MITF: variants seen among roughly 807,000 people sequenced by gnomAD.
The protein encoded by MITF is microphthalmia-associated transcription factor.
Under a neutral mutation model 60.5 loss-of-function variants are expected in MITF, and 17 were observed. The observed-to-expected ratio is 0.28, with a 90% CI of 0.19 to 0.42. The LOEUF (loss-of-function observed/expected upper bound fraction) is 0.42, where lower values mean the gene tolerates loss of function less well. MITF is among the 10% of genes least tolerant of loss of function. The pLI is 1.00. For missense variants in MITF, 622 were observed against 683.5 expected (o/e 0.91, Z 1.00); for synonymous variants, 260 against 248.5 (o/e 1.05, Z -0.43).
chr3:69,758,963 A>T (rs1399183141), intron 1 of MITF, among the ~76,000 whole-genome samples: 2 of 152,226 alleles, frequency 1.3e-5, no homozygotes, highest in Non-Finnish European at 2.9e-5. Flanking sequence ...GCATATGTAC[A>T]TTCTCAATAC....
chr3:69,768,667 G>T (rs1272336252), intron 1 of MITF, among the ~76,000 whole-genome samples: 1 of 152,204 alleles, frequency 6.6e-6, no homozygotes, highest in African/African-American at 2.4e-5. Flanking sequence ...AAGACTGGTA[G>T]ACACTAGATA....
At chr3:69,887,633 G>A (rs1399742543) in intron 2 of MITF, among the ~76,000 whole-genome samples, 1 of 151,974 alleles carries the variant, frequency 6.6e-6, no homozygotes, top group African/African-American at 2.4e-5. Flanking sequence ...AAAGCAGGGG[G>A]CTGTTAAAGG....
intron 2 of MITF, among the ~76,000 whole-genome samples, chr3:69,914,080 A>T (rs1259724260): frequency 1.3e-5 from 2 of 152,002 alleles, no homozygotes; most frequent in African/African-American, 2.4e-5. Flanking sequence ...ACACACACAT[A>T]GTTCATATAC....
rs898492855 is a variant in MITF at position 69,739,755 on chromosome 3, C to A, written c.104+54C>A. 1.8e-5 allele frequency: 24 copies of A among 1,323,646 alleles called. No homozygotes were observed. The Admixed American group carries it at 3.4e-4, about 19-fold the overall frequency. 82.0% of individuals were successfully genotyped at this position (1,323,646 alleles called of 1,614,324 possible). On this transcript the variant is annotated intron_variant, in intron 1 of 9. Coordinates refer to ENST00000352241, the MANE Select transcript of MITF (RefSeq NM_001354604.2). ...ACCGGGCGGCTGGGGGGCACTGCGT[C>A]TGCCACTCTGGGGCGAGGAGAGCGG...
chr3:69,872,978 G>A (rs141573653), intron 1 of MITF, among the ~76,000 whole-genome samples: 1 of 152,322 alleles, frequency 6.6e-6, no homozygotes, highest in East Asian at 1.9e-4. Flanking sequence ...CGTGGGGCAT[G>A]AGGCTATGTT....
intron 2 of MITF, among the ~76,000 whole-genome samples, chr3:69,904,430 C>T (rs1420124288): frequency 6.6e-6 from 1 of 152,136 alleles, no homozygotes; most frequent in Non-Finnish European, 1.5e-5. Flanking sequence ...ATAATTTCTT[C>T]CGTGTGTCTT....
At position 69,904,851 on chromosome 3, in the gene MITF, A is replaced by G. The variant is rs1243447413; in HGVS notation, c.354+25468A>G. On this transcript the variant is annotated intron_variant, in intron 2 of 9. Transcript: ENST00000352241. ...CTTTGCTCCTTTGTAAAATGGGAAT[A>G]AAGAGTACCCAGCTCACAGGCTGGT... Among the ~76,000 whole-genome samples, 6 of 152,316 alleles carry G rather than the reference A, an allele frequency of 3.9e-5. No individual in the cohort carries two copies. The East Asian group carries it at 7.7e-4, about 20-fold the overall frequency.
At chr3:69,842,478 A>T (rs899061261) in intron 1 of MITF, among the ~76,000 whole-genome samples, 2 of 152,182 alleles carry the variant, frequency 1.3e-5, no homozygotes, top group African/African-American at 4.8e-5. Context: ...GTTATTATGC[A>T]GTGGTAGAAG....
chr3:69,835,686 C>A (rs1559662052), intron 1 of MITF, among the ~76,000 whole-genome samples: 1 of 152,116 alleles, frequency 6.6e-6, no homozygotes, highest in Non-Finnish European at 1.5e-5. Flanking sequence ...TCTCATTCTT[C>A]CGCATATGAA....
rs2062194044 is a variant in MITF, at chr3:69,760,309, T to C, written c.104+20608T>C. Among the ~76,000 whole-genome samples the C allele has an allele frequency of 2.0e-5, 3 of 152,182 alleles. No homozygotes were observed. In the South Asian group the frequency reaches 6.2e-4, roughly 32 times the overall value. On this transcript the variant is annotated intron_variant, in intron 1 of 9. Coordinates refer to ENST00000352241, the MANE Select transcript of MITF (RefSeq NM_001354604.2). ...AGCAGTAGGATTGACAGAGGGCAGG[T>C]GAGCCCCCAGATTGGGGCCTAGCCT...
At chr3:69,764,047 C>G in intron 1 of MITF, 2 of 903,080 alleles carry the variant, frequency 2.2e-6, no homozygotes, top group South Asian at 3.3e-5. Flanking sequence ...GGTTCTTGTT[C>G]ATAAATGGCT....
At chr3:69,803,862 T>G (rs1189271319) in intron 1 of MITF, among the ~76,000 whole-genome samples, 2 of 152,042 alleles carry the variant, frequency 1.3e-5, no homozygotes, top group African/African-American at 4.8e-5. Flanking sequence ...TTTCCTGTAG[T>G]GAGGAAGAGG....
chr3:69,959,350 G>T lies in MITF; in HGVS notation c.1109G>T (p.Arg370Leu), dbSNP rs147148433. Residue 370 changes from arginine (R) to leucine (L), a missense_variant, in exon 9 of 10, where the codon CGC (arginine) becomes CTC (leucine). This residue lies in a region of MITF where 224 missense variants were observed against 209.5 expected (regional missense o/e 1.07). Transcript: ENST00000352241. The stretch of plus-strand genomic sequence containing the variant: ...CGAAAGTTGCAACGAGAACAGCAAC[G>T]CGCAAAAGAACTTGAAAACCGACAG... ...YIRKLQREQQRAKELENRQKK... is the reference protein window; with the variant it reads ...YIRKLQREQQLAKELENRQKK... The T allele has an allele frequency of 6.2e-7, 1 of 1,613,976 alleles. No homozygotes were observed. Among genetic ancestry groups the T allele is most frequent in the African/African-American group, 1.3e-5 (1 of 75,024 alleles).
chr3:69,863,635 C>T (rs2064057189), intron 1 of MITF, among the ~76,000 whole-genome samples: 1 of 152,152 alleles, frequency 6.6e-6, no homozygotes, highest in Non-Finnish European at 1.5e-5. Flanking sequence ...AGTTTCAGTT[C>T]TAAGATGTAC....
At chr3:69,740,289 G>A (rs1348827691) in intron 1 of MITF, among the ~76,000 whole-genome samples, 4 of 152,174 alleles carry the variant, frequency 2.6e-5, no homozygotes, top group African/African-American at 9.7e-5. Context: ...CGCTGCTAGC[G>A]GGCGCGGGAG....
At chr3:69,763,231 G>A (rs923373441) in intron 1 of MITF, among the ~76,000 whole-genome samples, 3 of 152,106 alleles carry the variant, frequency 2.0e-5, no homozygotes, top group African/African-American at 7.2e-5. Flanking sequence ...GACATTTTGG[G>A]GGTTGGAAGA....
Position 69,795,414 on chromosome 3 carries a change from A to G in MITF, c.104+55713A>G, listed in dbSNP as rs116922713. On this transcript the variant is annotated intron_variant, in intron 1 of 9. Coordinates refer to ENST00000352241, the MANE Select transcript of MITF (RefSeq NM_001354604.2). ...GCATTTGGTTTTTAAAAAACAATGAACTGTCTTACATTATTTAAAAATAAA... is the reference window on the plus strand; with the variant it reads ...GCATTTGGTTTTTAAAAAACAATGAGCTGTCTTACATTATTTAAAAATAAA... Among the ~76,000 whole-genome samples, 36 of 152,336 alleles carry G rather than the reference A, an allele frequency of 2.4e-4. 1 individual carries two copies. In the East Asian group the frequency reaches 6.9e-3, roughly 29 times the overall value.
chr3:69,964,943 C>A lies in MITF; in HGVS notation c.1276C>A (p.Pro426Thr), dbSNP rs764672619. The change falls in exon 10 of 10, where the codon CCC (proline) becomes ACC (threonine). Residue 426 changes from proline to threonine, a missense_variant. By Grantham distance (38) the Pro-to-Thr change is conservative. Coordinates refer to ENST00000352241, the MANE Select transcript of MITF (RefSeq NM_001354604.2). ...GGTGAATCGGATCATCAAGCAAGAA[C>A]CCGTTCTTGAGAACTGCAGCCAAGA... Reference protein sequence around the residue: ...DLVNRIIKQEPVLENCSQDLL... With the variant: ...DLVNRIIKQETVLENCSQDLL... 1 of 1,614,126 alleles carries A rather than the reference C, an allele frequency of 6.2e-7. No individual in the cohort carries two copies. The highest frequency in any genetic ancestry group is 8.5e-7 in the Non-Finnish European group (1 of 1,180,018).
At chr3:69,882,565 C>CA (rs200888643) in intron 2 of MITF, among the ~76,000 whole-genome samples, 13 of 150,068 alleles carry the variant, frequency 8.7e-5, no homozygotes, top group South Asian at 2.1e-4. Flanking sequence ...TTAACAACAA[C>CA]AAAAAAAAAG....
Sources: gnomAD v4.1 joint callset for allele counts (sites outside exome capture counted in the v4.1 genomes callset) on GRCh38, gnomAD v4.1.1 for gene constraint, gnomAD v4.1.1 regional missense constraint, MANE v1.5 for transcripts, NCBI Gene and HGNC (gene_info 2026-07-23, HGNC 2026-07-21) for gene names.